KCNJ16: variants seen among roughly 807,000 people sequenced by gnomAD.
KCNJ16 encodes the protein potassium inwardly rectifying channel subfamily J member 16, also known as inward rectifier potassium channel 16.
Under a neutral mutation model 18.5 loss-of-function variants are expected in KCNJ16, and 15 were observed. The observed-to-expected ratio is 0.81, with a 90% CI of 0.54 to 1.25. The LOEUF is 1.25. Ranked by LOEUF, KCNJ16 falls within the 50% of genes most tolerant of loss-of-function variation. The pLI is 0.00. For missense variants in KCNJ16, 523 were observed against 525.7 expected, an observed-to-expected ratio of 0.99 and a Z score of 0.05; for synonymous variants, 174 against 186.5, an observed-to-expected ratio of 0.93 and a Z score of 0.55.
intron 2 of KCNJ16, among the ~76,000 whole-genome samples, chr17:70,124,152 G>C (rs1247211836): frequency 6.6e-6 from 1 of 152,172 alleles, no homozygotes; most frequent in Non-Finnish European, 1.5e-5. Context: ...CCTAAGGCTC[G>C]GAATGAAGAG....
At chr17:70,095,237 T>C (rs1164869656) in intron 1 of KCNJ16, among the ~76,000 whole-genome samples, 1 of 148,054 alleles carries the variant, frequency 6.8e-6, no homozygotes, top group Admixed American at 6.9e-5. Flanking sequence ...ATGCTGAATA[T>C]ACAAATAAAT....
At chr17:70,118,112 CAA>C (rs2073483502) in intron 2 of KCNJ16, among the ~76,000 whole-genome samples, 3 of 152,100 alleles carry the variant, frequency 2.0e-5, no homozygotes, top group Non-Finnish European at 2.9e-5. Flanking sequence ...AATAAGCTGA[CAA>C]GAGGCAGATT....
At chr17:70,116,424 C>A (rs1232015484) in intron 2 of KCNJ16, among the ~76,000 whole-genome samples, 1 of 152,106 alleles carries the variant, frequency 6.6e-6, no homozygotes, top group African/African-American at 2.4e-5. Context: ...GTAATAATTT[C>A]TTTAGAAAAA....
intron 1 of KCNJ16, among the ~76,000 whole-genome samples, chr17:70,078,652 T>C (rs557317092): frequency 1.3e-5 from 2 of 152,158 alleles, no homozygotes; most frequent in African/African-American, 2.4e-5. Flanking sequence ...TCAATAAACA[T>C]TTATTAAGTA....
In KCNJ16 at chr17:70,134,158, G is replaced by A. The variant is rs1302572639; in HGVS notation, c.*814G>A. On this transcript the variant is annotated 3_prime_UTR_variant, in exon 4 of 4. Coordinates refer to ENST00000392671, the MANE Select transcript of KCNJ16 (RefSeq NM_170741.4). ...CACGTCCCACCTTCTTCGAGGACATGACCAAGGGACAGGATCATACAGATG... is the reference window on the plus strand; with the variant it reads ...CACGTCCCACCTTCTTCGAGGACATAACCAAGGGACAGGATCATACAGATG... 2 of 167,066 alleles carry A rather than the reference G, an allele frequency of 1.2e-5. No individual in the cohort carries two copies. The highest frequency in any genetic ancestry group is 4.8e-5 in the African/African-American group (2 of 41,440). 10.3% of individuals were successfully genotyped at this position (167,066 alleles called of 1,614,324 possible). A position where few individuals can be genotyped will look rare whatever the true frequency, so the allele number is the denominator to read the frequency against.
Position 70,135,230 on chromosome 17 carries a change from A to G in KCNJ16, c.*1886A>G, listed in dbSNP as rs926596124. On this transcript the variant is annotated 3_prime_UTR_variant, in exon 4 of 4. Coordinates refer to ENST00000392671, the MANE Select transcript of KCNJ16 (RefSeq NM_170741.4). Reference sequence around the variant, plus strand: ...TGTGCGCTCTGTAGATTTGGATTTTACAGCAGCAATTACTTGGCTAAATTA... The same window carrying G: ...TGTGCGCTCTGTAGATTTGGATTTTGCAGCAGCAATTACTTGGCTAAATTA... 7.2e-5 allele frequency: 12 copies of G among 166,974 alleles called. No individual in the cohort carries two copies. Among genetic ancestry groups the G allele is most frequent in the African/African-American group, 2.7e-4 (11 of 41,464 alleles). 10.3% of individuals were successfully genotyped at this position (166,974 alleles called of 1,614,324 possible).
In KCNJ16 at chr17:70,080,630, A is replaced by G. The variant is rs374703311; in HGVS notation, c.-300+5240A>G. Among the ~76,000 whole-genome samples, 186 of 152,098 alleles carry G rather than the reference A, an allele frequency of 1.2e-3. 1 individual carries two copies. The highest frequency in any genetic ancestry group is 4.4e-3 in the African/African-American group (181 of 41,478). The stretch of plus-strand genomic sequence containing the variant: ...TTTGAGAAGTACTATTAAAGGATGA[A>G]TTTTGTGAGGGAAAATTCCTGGGTT... On this transcript the variant is annotated intron_variant, in intron 1 of 3. Coordinates refer to ENST00000392671, the MANE Select transcript of KCNJ16 (RefSeq NM_170741.4).
intron 1 of KCNJ16, among the ~76,000 whole-genome samples, chr17:70,095,235 T>C (rs931703494): frequency 6.7e-6 from 1 of 150,244 alleles, no homozygotes; most frequent in African/African-American, 2.5e-5. Flanking sequence ...AGATGCTGAA[T>C]ATACAAATAA....
intron 1 of KCNJ16, among the ~76,000 whole-genome samples, chr17:70,092,508 A>AGATAGATAGATAGATAGAT (rs1261371548): frequency 2.6e-5 from 1 of 38,482 alleles, no homozygotes; most frequent in Non-Finnish European, 5.5e-5. Flanking sequence ...ATAGATAGAT[A>AGATAGATAGATAGATAGAT]GATAGATAGA....
At chr17:70,131,334 T>A (rs1339202094) in intron 3 of KCNJ16, 1 of 1,076,644 alleles carries the variant, frequency 9.3e-7, no homozygotes, top group African/African-American at 1.7e-5. Flanking sequence ...AGATGCATTT[T>A]TTTTTCTTTT....
chr17:70,086,188 TACAATGAGAATTTTTGTGAGAAAGTGA>T (rs2071788579), intron 1 of KCNJ16, among the ~76,000 whole-genome samples: 2 of 152,202 alleles, frequency 1.3e-5, no homozygotes, highest in Admixed American at 6.5e-5. Context: ...TGGAAATACT[TACAATGAGAATTTTTGTGAGAAAGTGA>T]AGCAATCTTA....
intron 1 of KCNJ16, among the ~76,000 whole-genome samples, chr17:70,080,784 T>C (rs2071518650): frequency 6.6e-6 from 1 of 152,182 alleles, no homozygotes; most frequent in Non-Finnish European, 1.5e-5. Context: ...CAATGGGTAA[T>C]TCAGGACATT....
At chr17:70,112,430 T>C (rs2073225747) in intron 2 of KCNJ16, among the ~76,000 whole-genome samples, 1 of 151,848 alleles carries the variant, frequency 6.6e-6, no homozygotes, top group Non-Finnish European at 1.5e-5. Flanking sequence ...ATTTGGGAGT[T>C]CAAATGCCAA....
At chr17:70,117,641 T>TTATAGTC (rs2073465988) in intron 2 of KCNJ16, among the ~76,000 whole-genome samples, 1 of 152,128 alleles carries the variant, frequency 6.6e-6, no homozygotes, top group Non-Finnish European at 1.5e-5. Flanking sequence ...GTCTTAGGAG[T>TTATAGTC]ACTAACTCTC....
chr17:70,127,829 T>C (rs1187315482), intron 2 of KCNJ16, among the ~76,000 whole-genome samples: 1 of 152,222 alleles, frequency 6.6e-6, no homozygotes, highest in Non-Finnish European at 1.5e-5. Flanking sequence ...GTCCTTTACA[T>C]GGTAAAGAAG....
chr17:70,122,974 T>C (rs2073706018), intron 2 of KCNJ16, among the ~76,000 whole-genome samples: 2 of 152,226 alleles, frequency 1.3e-5, no homozygotes, highest in South Asian at 4.1e-4. Context: ...TCTTACCTCA[T>C]TGTTGAAACA....
chr17:70,087,900 A>C (rs1326870308), intron 1 of KCNJ16, among the ~76,000 whole-genome samples: 1 of 151,576 alleles, frequency 6.6e-6, no homozygotes, highest in Non-Finnish European at 1.5e-5. Flanking sequence ...ATTACGTAAA[A>C]GGAAATGTCA....
chr17:70,101,254 A>C (rs2072605422), intron 2 of KCNJ16: 1 of 152,148 alleles, frequency 6.6e-6, no homozygotes, highest in Non-Finnish European at 1.5e-5. Context: ...CCATAACCAC[A>C]GGTCATCTTC....
At chr17:70,094,466 A>G (rs752459063) in intron 1 of KCNJ16, among the ~76,000 whole-genome samples, 9 of 152,192 alleles carry the variant, frequency 5.9e-5, no homozygotes, top group Non-Finnish European at 1.3e-4. Flanking sequence ...AATTTGAGAA[A>G]TTGTAAAAGT....
Sources: allele counts gnomAD v4.1 joint callset (sites outside exome capture counted in the v4.1 genomes callset), GRCh38; gene constraint gnomAD v4.1.1; transcripts MANE v1.5; gene names NCBI Gene and HGNC (gene_info 2026-07-23, HGNC 2026-07-21).